RORB: variants seen among roughly 807,000 people sequenced by gnomAD.
RORB encodes the protein nuclear receptor ROR-beta.
A neutral mutation model predicts 59.1 loss-of-function variants in RORB; 6 were observed. The observed-to-expected ratio is 0.10, with a 90% CI of 0.06 to 0.20. The LOEUF (loss-of-function observed/expected upper bound fraction) is 0.20, where lower values mean the gene tolerates loss of function less well. RORB is among the 10% of genes least tolerant of loss of function. RORB has a pLI of 1.00. For missense variants in RORB, 320 were observed against 560.5 expected, an observed-to-expected ratio of 0.57 and a Z score of 4.33; for synonymous variants, 215 against 204.5, an observed-to-expected ratio of 1.05 and a Z score of -0.44.
rs776183446 is a variant in RORB at position 74,549,485 on chromosome 9, G to GGA, written c.7+51515_7+51516dup. The stretch of plus-strand genomic sequence containing the variant: ...AAGAGAGAGAGAGAGAGGTAGGGAG[G>GGA]GAGAGAGAGAGAGAAAGAAAGAAAG... On this transcript the variant is annotated intron_variant, in intron 1 of 9. Coordinates refer to ENST00000376896, the MANE Select transcript of RORB (RefSeq NM_006914.4). 5.2e-5 allele frequency among the ~76,000 whole-genome samples: 7 copies of GGA among 133,544 alleles called. 1 individual carries two copies. Among genetic ancestry groups the GGA allele is most frequent in the Non-Finnish European group, 9.6e-5 (6 of 62,626 alleles). The allele number at this position is 133,544 out of a possible 152,430, so 87.6% of individuals were successfully genotyped here. A position where few individuals can be genotyped will look rare whatever the true frequency, so the allele number is the denominator to read the frequency against.
At chr9:74,642,187 C>G (rs1034616777) in intron 3 of RORB, among the ~76,000 whole-genome samples, 31 of 152,114 alleles carry the variant, frequency 2.0e-4, no homozygotes, top group African/African-American at 6.8e-4. Flanking sequence ...TATATTTCTT[C>G]CTGGCTTAGA....
intron 1 of RORB, among the ~76,000 whole-genome samples, chr9:74,569,358 A>C (rs1430550678): frequency 6.6e-6 from 1 of 152,090 alleles, no homozygotes; most frequent in Non-Finnish European, 1.5e-5. Flanking sequence ...ATGTAAATAT[A>C]TATTAAAGTA....
At chr9:74,680,558 T>C (rs1824530943) in intron 9 of RORB, among the ~76,000 whole-genome samples, 1 of 152,102 alleles carries the variant, frequency 6.6e-6, no homozygotes, top group Non-Finnish European at 1.5e-5. Flanking sequence ...ACACGGATGC[T>C]AAGGATGGGG....
intron 1 of RORB, among the ~76,000 whole-genome samples, chr9:74,578,476 A>G (rs548661920): frequency 6.6e-6 from 1 of 152,224 alleles, no homozygotes; most frequent in African/African-American, 2.4e-5. Flanking sequence ...GTGTAAAAAC[A>G]CCAATGACAT....
chr9:74,610,804 A>G (rs947177742), intron 1 of RORB, among the ~76,000 whole-genome samples: 6 of 152,198 alleles, frequency 3.9e-5, no homozygotes, highest in Non-Finnish European at 8.8e-5. Flanking sequence ...CCATCCAGAA[A>G]GCTAGTGAAC....
At chr9:74,670,350 G>A (rs1418851560) in intron 8 of RORB, among the ~76,000 whole-genome samples, 7 of 152,112 alleles carry the variant, frequency 4.6e-5, no homozygotes, top group African/African-American at 2.4e-5. Context: ...TATATTTGTG[G>A]CAAGTCAGTA....
intron 1 of RORB, among the ~76,000 whole-genome samples, chr9:74,618,068 T>C (rs538829998): frequency 6.6e-6 from 1 of 152,278 alleles, no homozygotes; most frequent in African/African-American, 2.4e-5. Context: ...TATTTAGTCA[T>C]TGTAGCATCA....
At chr9:74,682,353 C>A (rs957051297) in intron 9 of RORB, among the ~76,000 whole-genome samples, 4 of 151,312 alleles carry the variant, frequency 2.6e-5, no homozygotes, top group Non-Finnish European at 4.4e-5. Context: ...TTACTGGGTG[C>A]AGCACACCAA....
intron 1 of RORB, among the ~76,000 whole-genome samples, chr9:74,536,271 T>C (rs953123546): frequency 2.0e-5 from 3 of 151,174 alleles, no homozygotes; most frequent in Non-Finnish European, 3.0e-5. Flanking sequence ...TAAAACTGAG[T>C]AGGATTCTGA....
At chr9:74,515,154 C>A (rs1344683600) in intron 1 of RORB, among the ~76,000 whole-genome samples, 2 of 150,814 alleles carry the variant, frequency 1.3e-5, no homozygotes, top group Non-Finnish European at 3.0e-5. Context: ...ATTTATTCAA[C>A]AAACTAACAC....
At chr9:74,550,973 T>C (rs938392257) in intron 1 of RORB, among the ~76,000 whole-genome samples, 1 of 152,212 alleles carries the variant, frequency 6.6e-6, no homozygotes, top group Non-Finnish European at 1.5e-5. Flanking sequence ...TTTAGATATA[T>C]TGGATTAACT....
chr9:74,679,068 A>C (rs1419696209), intron 9 of RORB, among the ~76,000 whole-genome samples: 1 of 151,704 alleles, frequency 6.6e-6, no homozygotes, highest in East Asian at 1.9e-4. Context: ...CAAAAAAAAA[A>C]ACAAAAAAAC....
intron 9 of RORB, among the ~76,000 whole-genome samples, chr9:74,674,750 G>T (rs1824408404): frequency 6.6e-6 from 1 of 151,954 alleles, no homozygotes; most frequent in African/African-American, 2.4e-5. Flanking sequence ...GGAGAGAGTT[G>T]GTTAGGGGAA....
chr9:74,607,155 T>C (rs548877138), intron 1 of RORB, among the ~76,000 whole-genome samples: 304 of 152,328 alleles, frequency 2.0e-3, no homozygotes, highest in African/African-American at 7.1e-3. Flanking sequence ...CCATCACCCA[T>C]GACACCAAAT....
chr9:74,635,177 G>T (rs1823680833), intron 3 of RORB, among the ~76,000 whole-genome samples: 3 of 152,174 alleles, frequency 2.0e-5, no homozygotes, highest in Non-Finnish European at 4.4e-5. Context: ...GACTGGGCTT[G>T]CTTACTGTGT....
chr9:74,519,166 T>C (rs993133209), intron 1 of RORB, among the ~76,000 whole-genome samples: 2 of 152,044 alleles, frequency 1.3e-5, no homozygotes, highest in East Asian at 1.9e-4. Context: ...ACTTGAAAGA[T>C]AGTTCCATCC....
chr9:74,662,689 C>G, intron 6 of RORB, 83 bp downstream of exon 6: 3 of 1,432,182 alleles, frequency 2.1e-6, no homozygotes, highest in Non-Finnish European at 2.9e-6. Flanking sequence ...AGAAAATCCT[C>G]CTTCCGATAT....
At chr9:74,508,437 A>G (rs1258956999) in intron 1 of RORB, among the ~76,000 whole-genome samples, 1 of 152,006 alleles carries the variant, frequency 6.6e-6, no homozygotes, top group Non-Finnish European at 1.5e-5. Flanking sequence ...ATTGTACTGT[A>G]TCCTTATGTT....
intron 1 of RORB, among the ~76,000 whole-genome samples, chr9:74,516,907 A>C (rs926533878): frequency 1.3e-5 from 2 of 151,972 alleles, no homozygotes; most frequent in Admixed American, 6.6e-5. Flanking sequence ...ATACCATCTC[A>C]CTGAATATTA....
Sources: gnomAD v4.1 joint callset for allele counts (sites outside exome capture counted in the v4.1 genomes callset) on GRCh38, gnomAD v4.1.1 for gene constraint, MANE v1.5 for transcripts, NCBI Gene and HGNC (gene_info 2026-07-23, HGNC 2026-07-21) for gene names.